Variants in TAFA5 observed in about 807,000 individuals in gnomAD.
TAFA5 encodes chemokine-like protein TAFA-5.
Under a neutral mutation model 15.3 loss-of-function variants are expected in TAFA5, and 6 were observed. That is an observed-to-expected ratio of 0.39 (90% CI 0.21 to 0.77). TAFA5 has a LOEUF of 0.77. TAFA5 is among the 30% of genes least tolerant of loss of function. The probability of loss-of-function intolerance (pLI) is 0.41; values close to 1 mark genes in which losing one functional copy is unlikely to be tolerated. For synonymous variants in TAFA5, 103 were observed against 80.7 expected (o/e 1.28, Z -1.48); for missense variants, 161 against 193.1 (o/e 0.83, Z 0.98).
intron 2 of TAFA5, 111 bp from the exon 3 acceptor site, chr22:48,707,606 G>A (rs932426341): frequency 1.7e-5 from 23 of 1,330,668 alleles, no homozygotes; most frequent in Admixed American, 2.2e-5. Flanking sequence ...GAGCCACGCC[G>A]GGCATTGCCT....
At chr22:48,492,907 C>T (rs891287700) in intron 1 of TAFA5, among the ~76,000 whole-genome samples, 5 of 152,192 alleles carry the variant, frequency 3.3e-5, no homozygotes, top group African/African-American at 4.8e-5. Context: ...AGGTTGTTTT[C>T]CCCTTAGCGT....
At chr22:48,704,841 C>T (rs375775569) in intron 2 of TAFA5, among the ~76,000 whole-genome samples, 4 of 152,204 alleles carry the variant, frequency 2.6e-5, no homozygotes, top group East Asian at 1.9e-4. Flanking sequence ...TTTATTTTCT[C>T]ACGGTTCTGG....
chr22:48,508,221 C>T (rs1300935804), intron 1 of TAFA5, among the ~76,000 whole-genome samples: 2 of 152,192 alleles, frequency 1.3e-5, no homozygotes. Flanking sequence ...AAGCCATGGG[C>T]AGCCGGCAGC....
chr22:48,708,019 CCATCTGTCCT>C (rs1327427589), intron 3 of TAFA5, among the ~76,000 whole-genome samples, 175 bp downstream of exon 3: 2 of 15,048 alleles, frequency 1.3e-4, no homozygotes, highest in Non-Finnish European at 3.3e-4. Flanking sequence ...AAATTCCTGA[CCATCTGTCCT>C]GGGGCAGACG....
chr22:48,642,418 G>A (rs1303275162), intron 1 of TAFA5, among the ~76,000 whole-genome samples: 1 of 152,190 alleles, frequency 6.6e-6, no homozygotes, highest in Non-Finnish European at 1.5e-5. Flanking sequence ...CCTGACTCCT[G>A]GTGGGCCCGC....
rs1041972332 is a variant in TAFA5, at chr22:48,598,432, A to G, written c.113-48165A>G. Among the ~76,000 whole-genome samples, 1 of 152,070 alleles carries G rather than the reference A, an allele frequency of 6.6e-6. No homozygotes were observed. Among genetic ancestry groups the G allele is most frequent in the Non-Finnish European group, 1.5e-5 (1 of 68,018 alleles). The stretch of plus-strand genomic sequence containing the variant: ...AGGGGCTGGCGCTGTGATCGTGCTT[A>G]GTGTTTATGGCGTGGGGCTGAGGGA... On this transcript the variant is annotated intron_variant, in intron 1 of 3. Coordinates refer to ENST00000402357, the MANE Select transcript of TAFA5 (RefSeq NM_001082967.3). The surrounding 1 kb of genome is among the most constrained non-coding windows in gnomAD (Gnocchi z 4.0).
chr22:48,626,065 G>A (rs911798057), intron 1 of TAFA5, among the ~76,000 whole-genome samples: 4 of 152,136 alleles, frequency 2.6e-5, no homozygotes, highest in African/African-American at 7.2e-5. Context: ...TTATATGAAC[G>A]TGACCACCTT....
intron 1 of TAFA5, among the ~76,000 whole-genome samples, chr22:48,537,617 G>A (rs1922214281): frequency 6.6e-6 from 1 of 152,252 alleles, no homozygotes; most frequent in Admixed American, 6.5e-5. Context: ...CCCGATGAGT[G>A]TCAAACCAAA....
chr22:48,698,122 G>A (rs921004147), intron 2 of TAFA5, among the ~76,000 whole-genome samples: 13 of 151,008 alleles, frequency 8.6e-5, no homozygotes, highest in African/African-American at 2.9e-4. Flanking sequence ...TGATGATAGC[G>A]ATGGTGGTGG....
At chr22:48,688,420 A>C (rs1928431748) in intron 2 of TAFA5, among the ~76,000 whole-genome samples, 1 of 152,262 alleles carries the variant, frequency 6.6e-6, no homozygotes, top group Admixed American at 6.5e-5. Flanking sequence ...ACAGATCAGC[A>C]CTGAATAGCA....
At chr22:48,549,861 C>A (rs1233502469) in intron 1 of TAFA5, among the ~76,000 whole-genome samples, 3 of 152,220 alleles carry the variant, frequency 2.0e-5, no homozygotes, top group Non-Finnish European at 4.4e-5. Context: ...CAGGCAAAGT[C>A]CCCCGCTAGC....
At position 48,489,571 on chromosome 22, in the gene TAFA5, C is replaced by G. The variant is rs769202732; in HGVS notation, c.-22C>G. On this transcript the variant is annotated 5_prime_UTR_variant, in exon 1 of 4. Coordinates refer to ENST00000402357, the MANE Select transcript of TAFA5 (RefSeq NM_001082967.3). The surrounding 1 kb of genome is among the most constrained non-coding windows in gnomAD (Gnocchi z 5.5). The stretch of plus-strand genomic sequence containing the variant: ...GGCTGCTGAGACGCGCTGCTGCCCC[C>G]CGCGCGGGCGCCGCGGCTTCAATGG... 1 of 1,403,428 alleles carries G rather than the reference C, an allele frequency of 7.1e-7. No homozygotes were observed. The highest frequency in any genetic ancestry group is 2.6e-5 in the Admixed American group (1 of 38,806). The allele number at this position is 1,403,428 out of a possible 1,614,324, so 86.9% of individuals were successfully genotyped here. A position where few individuals can be genotyped will look rare whatever the true frequency, so the allele number is the denominator to read the frequency against.
intron 1 of TAFA5, among the ~76,000 whole-genome samples, chr22:48,644,935 A>G (rs1013312898): frequency 2.0e-5 from 3 of 152,032 alleles, no homozygotes; most frequent in African/African-American, 7.2e-5. Flanking sequence ...GCTGATCCCC[A>G]CAGGCTGGGA....
Position 48,707,707 on chromosome 22 carries a change from TC to T in TAFA5, c.263-9del. Reference sequence around the variant, plus strand: ...TAGCACGCTGATTGCCTCTCTCTTTTCTCCCACAGCAAGAATCATCAAGACC... The same window carrying T: ...TAGCACGCTGATTGCCTCTCTCTTTTTCCCACAGCAAGAATCATCAAGACC... On this transcript the variant is annotated splice_polypyrimidine_tract_variant and intron_variant, in intron 2 of 3. Transcript: ENST00000402357. 1 of 1,613,676 alleles carries T rather than the reference TC, an allele frequency of 6.2e-7. No individual in the cohort carries two copies. The highest frequency in any genetic ancestry group is 8.5e-7 in the Non-Finnish European group (1 of 1,179,724).
At chr22:48,525,898 C>A (rs1601848358) in intron 1 of TAFA5, among the ~76,000 whole-genome samples, 1 of 152,352 alleles carries the variant, frequency 6.6e-6, no homozygotes, top group African/African-American at 2.4e-5. Flanking sequence ...TTACTCTCCC[C>A]ACCTGTGGAC....
At chr22:48,709,870 C>T (rs567694792) in intron 3 of TAFA5, among the ~76,000 whole-genome samples, 1 of 152,374 alleles carries the variant, frequency 6.6e-6, no homozygotes, top group East Asian at 1.9e-4. Context: ...CCTCCAAAGG[C>T]ATCGAGGTGC....
At chr22:48,723,474 C>A in intron 3 of TAFA5, among the ~76,000 whole-genome samples, 1 of 152,130 alleles carries the variant, frequency 6.6e-6, no homozygotes, top group East Asian at 1.9e-4. Context: ...TCGCATATCA[C>A]CTCTTCCTGA....
chr22:48,734,596 C>A (rs887986631), intron 3 of TAFA5, among the ~76,000 whole-genome samples: 8 of 152,356 alleles, frequency 5.3e-5, no homozygotes, highest in Middle Eastern at 6.8e-3. Context: ...CTGGGCCCCA[C>A]CACTGTGACC....
At chr22:48,676,018 G>A (rs1000017660) in intron 2 of TAFA5, among the ~76,000 whole-genome samples, 1 of 152,280 alleles carries the variant, frequency 6.6e-6, no homozygotes, top group Non-Finnish European at 1.5e-5. Context: ...GGCAGCTGGC[G>A]GTGGGGCAGG....
Sources: allele counts gnomAD v4.1 joint callset (sites outside exome capture counted in the v4.1 genomes callset), GRCh38; gene constraint gnomAD v4.1.1; non-coding constraint Gnocchi (gnomAD v3.1); transcripts MANE v1.5; gene names NCBI Gene and HGNC (gene_info 2026-07-23, HGNC 2026-07-21).